ABTB2: variants seen among roughly 807,000 people sequenced by gnomAD.
ABTB2 encodes ankyrin repeat and BTB/POZ domain-containing protein 2.
In ABTB2, 56 loss-of-function variants were observed where a neutral mutation model predicts 104.1. That is an observed-to-expected ratio of 0.54 (90% CI 0.43 to 0.67). The LOEUF is 0.67. Among genes scored for constraint, ABTB2 ranks in the 30% least tolerant of loss-of-function variants. The pLI, the probability that ABTB2 is intolerant of heterozygous loss-of-function variation, is 0.00. For missense variants in ABTB2, 1,279 were observed against 1,407.7 expected (o/e 0.91, Z 1.46); for synonymous variants, 606 against 608.2 (o/e 1.00, Z 0.05).
At chr11:34,178,407 G>A (rs1852983228) in intron 3 of ABTB2, among the ~76,000 whole-genome samples, 1 of 152,240 alleles carries the variant, frequency 6.6e-6, no homozygotes, top group African/African-American at 2.4e-5. Context: ...TGGGCAGGCT[G>A]AGATGAGCTG....
At chr11:34,282,608 C>T (rs1248470206) in intron 1 of ABTB2, among the ~76,000 whole-genome samples, 3 of 150,534 alleles carry the variant, frequency 2.0e-5, no homozygotes, top group African/African-American at 7.3e-5. Context: ...CTCACTGCAC[C>T]CTCCACCTCC....
chr11:34,160,542 G>A (rs1213390187), intron 11 of ABTB2, among the ~76,000 whole-genome samples, 189 bp from the exon 12 acceptor site: 1 of 151,798 alleles, frequency 6.6e-6, no homozygotes, highest in African/African-American at 2.4e-5. Context: ...GGCTTTTTTG[G>A]TCAGGTTCCA....
chr11:34,297,796 G>GAAAAAAAAACAAAT (rs1554923796), intron 1 of ABTB2, among the ~76,000 whole-genome samples: 2 of 123,070 alleles, frequency 1.6e-5, no homozygotes, highest in Non-Finnish European at 1.7e-5. Context: ...AAAAATAAAG[G>GAAAAAAAAACAAAT]AAAGAAAAAG....
At chr11:34,231,674 G>A (rs1017647459) in intron 1 of ABTB2, among the ~76,000 whole-genome samples, 4 of 152,112 alleles carry the variant, frequency 2.6e-5, no homozygotes, top group African/African-American at 7.2e-5. Context: ...GGGTTCAAGC[G>A]ATTCTCCTGC....
intron 1 of ABTB2, among the ~76,000 whole-genome samples, chr11:34,334,220 A>C (rs1855166538): frequency 6.6e-6 from 1 of 152,194 alleles, no homozygotes; most frequent in Non-Finnish European, 1.5e-5. Context: ...AGCAAGGACA[A>C]AAACAACCCT....
At chr11:34,220,103 T>G (rs1853600380) in intron 1 of ABTB2, among the ~76,000 whole-genome samples, 1 of 152,190 alleles carries the variant, frequency 6.6e-6, no homozygotes, top group Non-Finnish European at 1.5e-5. Flanking sequence ...AGGAAGCTAG[T>G]TTATTGTCCC....
At chr11:34,271,374 C>A (rs930684896) in intron 1 of ABTB2, among the ~76,000 whole-genome samples, 1 of 152,196 alleles carries the variant, frequency 6.6e-6, no homozygotes, top group Non-Finnish European at 1.5e-5. Context: ...TGGGTCCAAC[C>A]ATCCAGACTC....
chr11:34,231,914 A>T (rs1340341728), intron 1 of ABTB2, among the ~76,000 whole-genome samples: 1 of 152,216 alleles, frequency 6.6e-6, no homozygotes, highest in Non-Finnish European at 1.5e-5. Context: ...ATATCTGATC[A>T]GCTCTCCTCT....
At chr11:34,255,534 G>A (rs539546901) in intron 1 of ABTB2, among the ~76,000 whole-genome samples, 25 of 151,332 alleles carry the variant, frequency 1.7e-4, no homozygotes, top group Non-Finnish European at 3.1e-4. Flanking sequence ...GCTCTGTTGC[G>A]CAGGCTGGAG....
chr11:34,197,443 G>A lies in ABTB2; in HGVS notation c.1126C>T (p.Pro376Ser). The A allele has an allele frequency of 6.2e-7, 1 of 1,601,684 alleles. No homozygotes were observed. The highest frequency in any genetic ancestry group is 8.5e-7 in the Non-Finnish European group (1 of 1,172,944). The change falls in exon 3 of 17, where the codon CCC becomes TCC. Residue 376 changes from proline (P) to serine (S), a missense_variant. Coordinates refer to ENST00000435224, the MANE Select transcript of ABTB2 (RefSeq NM_145804.3). The part of the protein sequence containing the change: ...PARQARQPPQ[P>S]ITWSPDALHT... ...AGGGCGTCGGGGGACCAAGTGATGG[G>A]CTGTGGCGGCTGGCGGGCCTGGCGG...
At chr11:34,178,075 A>G (rs1342989010) in intron 3 of ABTB2, among the ~76,000 whole-genome samples, 1 of 152,184 alleles carries the variant, frequency 6.6e-6, no homozygotes, top group Non-Finnish European at 1.5e-5. Context: ...TCCTGCTTAC[A>G]ATACCCAGAA....
intron 2 of ABTB2, among the ~76,000 whole-genome samples, chr11:34,197,826 C>T (rs752677483): frequency 2.0e-5 from 3 of 152,188 alleles, no homozygotes; most frequent in Non-Finnish European, 4.4e-5. Context: ...TCCCCACTCT[C>T]TCCACCACCC....
intron 1 of ABTB2, among the ~76,000 whole-genome samples, chr11:34,299,289 A>C (rs551180499): frequency 6.6e-6 from 1 of 152,220 alleles, no homozygotes; most frequent in Non-Finnish European, 1.5e-5. Flanking sequence ...TCTTCGGATC[A>C]TTTCTAGGAC....
rs146722170 is a variant in ABTB2, at chr11:34,204,879, G to C, written c.884-189C>G. Among the ~76,000 whole-genome samples the C allele has an allele frequency of 3.7e-3, 564 of 152,326 alleles. 2 individuals carry two copies. The highest frequency in any genetic ancestry group is 0.013 in the African/African-American group (524 of 41,574). On this transcript the variant is annotated intron_variant, in intron 1 of 16. Coordinates refer to ENST00000435224, the MANE Select transcript of ABTB2 (RefSeq NM_145804.3). Reference sequence around the variant, plus strand: ...TGGACGGTGCTATAGGGGCCAGAATGAGAAGTAGCTCACTCGTAGCTGTGG... The same window carrying C: ...TGGACGGTGCTATAGGGGCCAGAATCAGAAGTAGCTCACTCGTAGCTGTGG...
chr11:34,345,478 C>T (rs1457684580), intron 1 of ABTB2, among the ~76,000 whole-genome samples: 1 of 152,152 alleles, frequency 6.6e-6, no homozygotes, highest in East Asian at 1.9e-4. Context: ...GGTGAACAAA[C>T]GGATGTAACC....
intron 1 of ABTB2, among the ~76,000 whole-genome samples, chr11:34,296,614 G>A (rs1854625524): frequency 6.6e-6 from 1 of 152,084 alleles, no homozygotes; most frequent in South Asian, 2.1e-4. Context: ...GGTGGGAGTT[G>A]TGCAAAGCAA....
intron 2 of ABTB2, among the ~76,000 whole-genome samples, chr11:34,199,805 A>G (rs1278163065): frequency 6.6e-6 from 1 of 152,238 alleles, no homozygotes; most frequent in Non-Finnish European, 1.5e-5. Context: ...CAATAAATGT[A>G]AAGCACTTAA....
intron 1 of ABTB2, among the ~76,000 whole-genome samples, chr11:34,347,352 C>T (rs538289974): frequency 6.6e-6 from 1 of 152,264 alleles, no homozygotes; most frequent in South Asian, 2.1e-4. Flanking sequence ...AGAAGAATTG[C>T]TTGAACCTGG....
Position 34,152,222 on chromosome 11 carries a change from G to T in ABTB2, c.*165C>A. The T allele has an allele frequency of 1.4e-6, 1 of 723,322 alleles. No individual in the cohort carries two copies. Among genetic ancestry groups the T allele is most frequent in the Non-Finnish European group, 2.2e-6 (1 of 446,418 alleles). The allele number at this position is 723,322 out of a possible 1,614,324, so 44.8% of individuals were successfully genotyped here. A position where few individuals can be genotyped will look rare whatever the true frequency, so the allele number is the denominator to read the frequency against. On this transcript the variant is annotated 3_prime_UTR_variant, in exon 17 of 17. Coordinates refer to ENST00000435224, the MANE Select transcript of ABTB2 (RefSeq NM_145804.3). ...CAGTGATTGAACAAACAGCTCTAGG[G>T]CAGAGGAGATGAGGGTGAGCTGCCC...
Sources: allele counts gnomAD v4.1 joint callset (sites outside exome capture counted in the v4.1 genomes callset), GRCh38; gene constraint gnomAD v4.1.1; transcripts MANE v1.5; gene names NCBI Gene and HGNC (gene_info 2026-07-23, HGNC 2026-07-21).